Variants in AKT3 observed in about 807,000 individuals in gnomAD.
AKT3 encodes the protein AKT serine/threonine kinase 3, also known as RAC-gamma serine/threonine-protein kinase.
AKT3 carries 15 observed loss-of-function variants against 65.3 expected under a neutral mutation model. The ratio of observed to expected loss-of-function variants is 0.23; its 90% CI spans 0.15 to 0.35. The LOEUF (loss-of-function observed/expected upper bound fraction) is 0.35, where lower values mean the gene tolerates loss of function less well. Ranked by LOEUF, AKT3 falls within the 10% of genes least tolerant of loss-of-function variation. The probability of loss-of-function intolerance (pLI) is 1.00; values close to 1 mark genes in which losing one functional copy is unlikely to be tolerated. For synonymous variants in AKT3, 206 were observed against 183.8 expected (o/e 1.12, Z -0.98); for missense variants, 243 against 576.5 (o/e 0.42, Z 5.92).
chr1:243,502,853 G>A lies in AKT3; in HGVS notation c.*2396C>T, dbSNP rs1669407580. 1 of 233,116 alleles carries A rather than the reference G, an allele frequency of 4.3e-6. No individual in the cohort carries two copies. Among genetic ancestry groups the A allele is most frequent in the African/African-American group, 2.2e-5 (1 of 45,332 alleles). The allele number at this position is 233,116 out of a possible 1,614,324, so 14.4% of individuals were successfully genotyped here. ...CATTAATCTTTAAGAAGTGTCCTTG[G>A]CCAAGGTCATGGGAATCACTTTAAG... is the stretch of plus-strand genomic sequence containing the variant. On this transcript the variant is annotated 3_prime_UTR_variant, in exon 14 of 14. Transcript: ENST00000673466.
chr1:243,789,743 TA>T (rs1691499812), intron 2 of AKT3, among the ~76,000 whole-genome samples: 2 of 152,348 alleles, frequency 1.3e-5, no homozygotes, highest in Non-Finnish European at 2.9e-5. Flanking sequence ...GCAGCAGCCA[TA>T]CCCTTAGAAA....
chr1:243,637,635 C>T lies in AKT3; in HGVS notation c.537G>A (p.Leu179=). ...ASGKYYAMKI[L]KKEVIIAKDE... ...CCTTTGCAATAATGACTTCTTTCTT[C>T]AGAATCTTCATAGCATAGTATTTTC... The change falls in exon 6 of 14, where the codon CTG becomes CTA. Residue 179 remains leucine (L), a synonymous_variant. Transcript: ENST00000673466. 1.3e-6 allele frequency: 2 copies of T among 1,595,786 alleles called. No individual in the cohort carries two copies. The highest frequency in any genetic ancestry group is 1.7e-4 in the Middle Eastern group (1 of 5,986).
intron 13 of AKT3, among the ~76,000 whole-genome samples, chr1:243,494,498 C>T (rs1036405308): frequency 2.6e-5 from 4 of 152,210 alleles, no homozygotes; most frequent in African/African-American, 9.6e-5. Context: ...ACATAAGCAT[C>T]TCGCGACCTT....
intron 2 of AKT3, among the ~76,000 whole-genome samples, chr1:243,755,172 A>G (rs924489340): frequency 3.3e-5 from 5 of 151,816 alleles, no homozygotes; most frequent in Admixed American, 6.6e-5. Context: ...GGGTTCAAGC[A>G]ATTCTCATGC....
In AKT3 at chr1:243,747,278, G is replaced by C. The variant is rs1466170382; in HGVS notation, c.47-51562C>G. Among the ~76,000 whole-genome samples the C allele has an allele frequency of 2.0e-5, 3 of 152,058 alleles. No homozygotes were observed. In the South Asian group the frequency reaches 6.2e-4, roughly 32 times the overall value. On this transcript the variant is annotated intron_variant, in intron 2 of 13. Coordinates refer to ENST00000673466, the MANE Select transcript of AKT3 (RefSeq NM_005465.7). ...GCAAAGAAATGAACACTTTTTCCAA[G>C]AACAAACAAAAATGTCAGAAGTTTC...
At chr1:243,840,359 G>A (rs1224790747) in intron 2 of AKT3, among the ~76,000 whole-genome samples, 1 of 151,718 alleles carries the variant, frequency 6.6e-6, no homozygotes, top group African/African-American at 2.4e-5. Context: ...GCTGGGGGTG[G>A]GGGGCAAGGT....
intron 2 of AKT3, among the ~76,000 whole-genome samples, chr1:243,703,456 T>A (rs1031223518): frequency 6.6e-6 from 1 of 152,112 alleles, no homozygotes; most frequent in Non-Finnish European, 1.5e-5. Context: ...CCATGTTTTA[T>A]TGATGTCTTA....
At chr1:243,606,022 A>G (rs1161343351) in intron 8 of AKT3, among the ~76,000 whole-genome samples, 1 of 152,162 alleles carries the variant, frequency 6.6e-6, no homozygotes, top group Non-Finnish European at 1.5e-5. Context: ...GTGAAGAAGG[A>G]CATGTTTGCT....
At chr1:243,689,660 G>C (rs542244352) in intron 3 of AKT3, among the ~76,000 whole-genome samples, 1 of 152,088 alleles carries the variant, frequency 6.6e-6, no homozygotes, top group African/African-American at 2.4e-5. Flanking sequence ...GTCGGTTAGA[G>C]AGTAAATACT....
intron 2 of AKT3, among the ~76,000 whole-genome samples, chr1:243,838,777 A>C (rs1203334598): frequency 6.6e-6 from 1 of 152,194 alleles, no homozygotes; most frequent in Non-Finnish European, 1.5e-5. Context: ...ATTTCATGGA[A>C]TATAAGAAAA....
chr1:243,738,319 A>G (rs540398781), intron 2 of AKT3, among the ~76,000 whole-genome samples: 1 of 152,310 alleles, frequency 6.6e-6, no homozygotes. Context: ...CCAGAGACTA[A>G]AAGGTCTCTT....
intron 8 of AKT3, among the ~76,000 whole-genome samples, chr1:243,597,651 C>T (rs1370893516): frequency 6.6e-6 from 1 of 152,140 alleles, no homozygotes; most frequent in Non-Finnish European, 1.5e-5. Flanking sequence ...CAGGCACTGG[C>T]TACCACACCT....
At chr1:243,569,173 G>A (rs976104399) in intron 9 of AKT3, among the ~76,000 whole-genome samples, 3 of 152,164 alleles carry the variant, frequency 2.0e-5, no homozygotes, top group African/African-American at 4.8e-5. Flanking sequence ...CGGGCATCCA[G>A]TGCCAAAATG....
At chr1:243,715,712 G>C (rs73128260) in intron 2 of AKT3, among the ~76,000 whole-genome samples, 1 of 151,986 alleles carries the variant, frequency 6.6e-6, no homozygotes, top group Non-Finnish European at 1.5e-5. Context: ...TTTTAGAAGA[G>C]AAACTTTTCA....
chr1:243,568,276 T>TA (rs1674316187), intron 9 of AKT3, among the ~76,000 whole-genome samples: 1 of 151,722 alleles, frequency 6.6e-6, no homozygotes, highest in South Asian at 2.1e-4. Context: ...AGATGGAGAG[T>TA]AGGGCAGCAT....
intron 1 of AKT3, among the ~76,000 whole-genome samples, chr1:243,846,725 T>C (rs978238063): frequency 3.3e-5 from 5 of 152,222 alleles, no homozygotes; most frequent in Admixed American, 2.6e-4. Flanking sequence ...ATGGAAATTA[T>C]TGTACCAAAT....
chr1:243,792,835 C>CTAA (rs1183821274), intron 2 of AKT3, among the ~76,000 whole-genome samples: 1 of 152,152 alleles, frequency 6.6e-6, no homozygotes, highest in East Asian at 1.9e-4. Flanking sequence ...AGCTATCAAT[C>CTAA]TAATAATCTC....
At chr1:243,578,407 A>G (rs1330076406) in intron 8 of AKT3, among the ~76,000 whole-genome samples, 1 of 152,196 alleles carries the variant, frequency 6.6e-6, no homozygotes, top group African/African-American at 2.4e-5. Context: ...GCTGGAAGCC[A>G]TTATCCTAAG....
chr1:243,656,171 G>A (rs1032412086), intron 4 of AKT3, among the ~76,000 whole-genome samples: 2 of 151,668 alleles, frequency 1.3e-5, no homozygotes, highest in Admixed American at 1.3e-4. Context: ...ATTGAAAGAG[G>A]GCATCCAATC....
Sources: allele counts gnomAD v4.1 joint callset (sites outside exome capture counted in the v4.1 genomes callset), GRCh38; gene constraint gnomAD v4.1.1; transcripts MANE v1.5; gene names NCBI Gene and HGNC (gene_info 2026-07-23, HGNC 2026-07-21).